AP3B2: variants seen among roughly 807,000 people sequenced by gnomAD.
AP3B2 encodes the protein adaptor related protein complex 3 subunit beta 2.
AP3B2 carries 50 observed loss-of-function variants against 126.9 expected under a neutral mutation model. The ratio of observed to expected loss-of-function variants is 0.39; its 90% confidence interval spans 0.31 to 0.50. The LOEUF is 0.50. AP3B2 is among the 20% of genes least tolerant of loss of function. The pLI is 0.79. For missense variants in AP3B2, 1,177 were observed against 1,426.4 expected, an observed-to-expected ratio of 0.83 and a Z score of 2.82; for synonymous variants, 541 against 565.0, an observed-to-expected ratio of 0.96 and a Z score of 0.60.
Position 82,679,791 on chromosome 15 carries a change from C to G in AP3B2, c.1120G>C (p.Glu374Gln), listed in dbSNP as rs748653652. The G allele has an allele frequency of 1.2e-6, 2 of 1,613,792 alleles. No individual in the cohort carries two copies. The highest frequency in any genetic ancestry group is 2.7e-5 in the African/African-American group (2 of 74,894). Residue 374 changes from glutamate to glutamine, a missense_variant, in exon 10 of 27, where the codon GAG becomes CAG. This residue lies in a region of AP3B2 where 308 missense variants were observed against 452.4 expected (regional missense o/e 0.68). Coordinates refer to ENST00000535359, the MANE Select transcript of AP3B2 (RefSeq NM_001278512.2). Reference sequence around the variant, plus strand: ...ATGTAGAAGCTCTTCAGGTAGGGCTCAAACATACCCTGGCACAAGAGAGGC... The same window carrying G: ...ATGTAGAAGCTCTTCAGGTAGGGCTGAAACATACCCTGGCACAAGAGAGGC... ...TMSIKRRGMFEPYLKSFYIRS... is the reference protein window; with the variant it reads ...TMSIKRRGMFQPYLKSFYIRS...
At chr15:82,706,144 G>T (rs933133337) in intron 1 of AP3B2, among the ~76,000 whole-genome samples, 1 of 152,072 alleles carries the variant, frequency 6.6e-6, no homozygotes, top group African/African-American at 2.4e-5. Flanking sequence ...ACTTTCAGAG[G>T]CCCTCAAAAT....
chr15:82,663,992 G>T lies in AP3B2; in HGVS notation c.2262-17C>A. The T allele has an allele frequency of 6.3e-7, 1 of 1,597,622 alleles. No homozygotes were observed. Among genetic ancestry groups the T allele is most frequent in the Non-Finnish European group, 8.5e-7 (1 of 1,177,818 alleles). ...CTCTGTTCACTGAAGGAGTGGGAAA[G>T]GTTGGCTCAGGCCTGGCCTGGACAC... On this transcript the variant is annotated splice_polypyrimidine_tract_variant and intron_variant, in intron 19 of 26. Coordinates refer to ENST00000535359, the MANE Select transcript of AP3B2 (RefSeq NM_001278512.2).
chr15:82,662,353 G>A, intron 23 of AP3B2, 101 bp from the exon 24 acceptor site: 2 of 925,082 alleles, frequency 2.2e-6, no homozygotes, highest in Non-Finnish European at 3.4e-6. Flanking sequence ...TGTCACAGCT[G>A]ACCAGCCCTC....
chr15:82,698,175 A>G (rs2048659589), intron 1 of AP3B2, among the ~76,000 whole-genome samples: 1 of 151,814 alleles, frequency 6.6e-6, no homozygotes, highest in Non-Finnish European at 1.5e-5. Flanking sequence ...CAGGTCCCGC[A>G]GACACTAGTA....
At position 82,688,403 on chromosome 15, in the gene AP3B2, G is replaced by A. The variant is rs552955534; in HGVS notation, c.360+333C>T. Reference sequence around the variant, plus strand: ...ACCACAATTCACACCTTTACACAAAGGGGGGTGAGGGTTGAGGGGTTCTCC... The same window carrying A: ...ACCACAATTCACACCTTTACACAAAAGGGGGTGAGGGTTGAGGGGTTCTCC... On this transcript the variant is annotated intron_variant, in intron 4 of 26. Coordinates refer to ENST00000535359, the MANE Select transcript of AP3B2 (RefSeq NM_001278512.2). The A allele has an allele frequency of 1.0e-5, 7 of 702,136 alleles. No homozygotes were observed. In the South Asian group the frequency reaches 1.0e-4, roughly 10 times the overall value. The allele number at this position is 702,136 out of a possible 1,614,324, so 43.5% of individuals were successfully genotyped here.
Position 82,688,819 on chromosome 15 carries a change from C to G in AP3B2, c.277G>C (p.Val93Leu). Residue 93 changes from valine (V) to leucine (L), a missense_variant, in exon 4 of 27, where the codon GTC becomes CTC. Coordinates refer to ENST00000535359, the MANE Select transcript of AP3B2 (RefSeq NM_001278512.2). ...GCGTAGCGTACCAGGTACACATAGA[C>G]AAGCTTCTTCACCTTGGGGAGAGCA... is the stretch of plus-strand genomic sequence containing the variant. ...ACKNIEVKKL[V>L]YVYLVRYAEE... 6.2e-7 allele frequency: 1 copy of G among 1,611,578 alleles called. No individual in the cohort carries two copies. Among genetic ancestry groups the G allele is most frequent in the Non-Finnish European group, 8.5e-7 (1 of 1,178,890 alleles).
rs2047895938 is a variant in AP3B2 at position 82,659,426 on chromosome 15, G to T, written c.*134C>A. The T allele has an allele frequency of 9.9e-6, 12 of 1,207,498 alleles. No individual in the cohort carries two copies. Among genetic ancestry groups the T allele is most frequent in the African/African-American group, 3.0e-5 (2 of 66,952 alleles). The allele number at this position is 1,207,498 out of a possible 1,614,324, so 74.8% of individuals were successfully genotyped here. A position where few individuals can be genotyped will look rare whatever the true frequency, so the allele number is the denominator to read the frequency against. ...TAGGGGAGGGCTTGGTCCTCCAGAG[G>T]GAGAGAGGACACCCTGAATGCTATC... On this transcript the variant is annotated 3_prime_UTR_variant, in exon 27 of 27. Transcript: ENST00000535359.
chr15:82,700,416 C>T (rs1439771730), intron 1 of AP3B2, among the ~76,000 whole-genome samples: 6 of 3,678 alleles, frequency 1.6e-3, no homozygotes, highest in African/African-American at 2.3e-3. Flanking sequence ...TTTTTTTTTT[C>T]AGATGGAGTT....
chr15:82,690,723 G>A (rs1308466872), intron 1 of AP3B2, among the ~76,000 whole-genome samples: 2 of 135,328 alleles, frequency 1.5e-5, no homozygotes, highest in East Asian at 2.2e-4. Context: ...GCGCAATCTC[G>A]GCTCACTGCA....
intron 1 of AP3B2, chr15:82,699,579 C>T: frequency 7.5e-6 from 3 of 399,512 alleles, no homozygotes; most frequent in Non-Finnish European, 8.8e-6. Context: ...TGCAACTGCC[C>T]ATCCCTGGCC....
chr15:82,663,047 C>G lies in AP3B2; in HGVS notation c.2604+80G>C. 1.6e-5 allele frequency: 24 copies of G among 1,493,656 alleles called. No homozygotes were observed. In the South Asian group the frequency reaches 2.5e-4, roughly 16 times the overall value. 92.5% of individuals were successfully genotyped at this position (1,493,656 alleles called of 1,614,324 possible). A position where few individuals can be genotyped will look rare whatever the true frequency, so the allele number is the denominator to read the frequency against. ...ATCACATCCTCCATCACACCCACCC[C>G]CCACACACATCCACACCATAGGATG... On this transcript the variant is annotated intron_variant, in intron 22 of 26. Coordinates refer to ENST00000535359, the MANE Select transcript of AP3B2 (RefSeq NM_001278512.2).
At chr15:82,699,763 G>T (rs1284434617) in intron 1 of AP3B2, 1 of 399,172 alleles carries the variant, frequency 2.5e-6, no homozygotes. Flanking sequence ...GTACCGGAGT[G>T]GGGGCCCACC....
Position 82,665,501 on chromosome 15 carries a change from C to T in AP3B2, c.1927G>A (p.Asp643Asn), listed in dbSNP as rs1308233067. The change falls in exon 16 of 27, where the codon GAC (aspartate) becomes AAC (asparagine). Residue 643 changes from aspartate (D) to asparagine (N), a missense_variant. Physicochemically the swap from Asp to Asn is conservative, Grantham distance 23 (BLOSUM62 1). Transcript: ENST00000535359. The surrounding 1 kb of genome is among the most constrained non-coding windows in gnomAD (Gnocchi z 4.4). ...GGGTCTGGGGCTTCCTCCGGCCAGT[C>T]TGGGAGCTCCTGGTAGCCTGTGGCC... is the stretch of plus-strand genomic sequence containing the variant. The part of the protein sequence containing the change: ...AKATGYQELP[D>N]WPEEAPDPSV... The T allele has an allele frequency of 1.9e-6, 3 of 1,613,740 alleles. No homozygotes were observed. Among genetic ancestry groups the T allele is most frequent in the Non-Finnish European group, 2.5e-6 (3 of 1,179,904 alleles).
At chr15:82,695,177 G>A (rs1262671065) in intron 1 of AP3B2, among the ~76,000 whole-genome samples, 1 of 148,478 alleles carries the variant, frequency 6.7e-6, no homozygotes. Flanking sequence ...TCGGCTCACT[G>A]CAGCCTCCAC....
intron 1 of AP3B2, chr15:82,692,254 T>C (rs962039367): frequency 1.1e-6 from 1 of 919,418 alleles, no homozygotes; most frequent in Non-Finnish European, 1.7e-6. Flanking sequence ...TTCTTAAGCT[T>C]GATCTTGCGG....
chr15:82,663,992 G>C lies in AP3B2; in HGVS notation c.2262-17C>G. The C allele has an allele frequency of 6.3e-7, 1 of 1,597,622 alleles. No homozygotes were observed. The highest frequency in any genetic ancestry group is 8.5e-7 in the Non-Finnish European group (1 of 1,177,818). On this transcript the variant is annotated splice_polypyrimidine_tract_variant and intron_variant, in intron 19 of 26. Coordinates refer to ENST00000535359, the MANE Select transcript of AP3B2 (RefSeq NM_001278512.2). ...CTCTGTTCACTGAAGGAGTGGGAAA[G>C]GTTGGCTCAGGCCTGGCCTGGACAC...
intron 1 of AP3B2, among the ~76,000 whole-genome samples, chr15:82,693,188 G>GC (rs2048571954): frequency 2.0e-4 from 15 of 76,408 alleles, no homozygotes; most frequent in African/African-American, 6.4e-4. Context: ...ATCTCCCCCC[G>GC]CCCCCACCCC....
rs2048336597 is a variant in AP3B2 at position 82,681,303 on chromosome 15, A to C, written c.521+117T>G. 6.5e-7 allele frequency: 1 copy of C among 1,533,172 alleles called. No individual in the cohort carries two copies. Among genetic ancestry groups the C allele is most frequent in the South Asian group, 1.2e-5 (1 of 81,820 alleles). 95.0% of individuals were successfully genotyped at this position (1,533,172 alleles called of 1,614,324 possible). A position where few individuals can be genotyped will look rare whatever the true frequency, so the allele number is the denominator to read the frequency against. On this transcript the variant is annotated intron_variant, in intron 5 of 26. Transcript: ENST00000535359. The surrounding 1 kb of genome is among the most constrained non-coding windows in gnomAD (Gnocchi z 4.0). Reference sequence around the variant, plus strand: ...TCTCCTCCATCTCTGTCAGTCCCCCAAACTACCCTCCTCAAACCCTCTGAG... The same window carrying C: ...TCTCCTCCATCTCTGTCAGTCCCCCCAACTACCCTCCTCAAACCCTCTGAG...
Position 82,680,209 on chromosome 15 carries a change from A to C in AP3B2, c.1076T>G (p.Leu359Arg). 6.2e-7 allele frequency: 1 copy of C among 1,613,536 alleles called. No homozygotes were observed. Among genetic ancestry groups the C allele is most frequent in the Non-Finnish European group, 8.5e-7 (1 of 1,179,776 alleles). ...GATGGACATGGTGGCCACGTTCTGGAGCACAACGTACTGCACCTCACTGCG... is the reference window on the plus strand; with the variant it reads ...GATGGACATGGTGGCCACGTTCTGGCGCACAACGTACTGCACCTCACTGCG... ...RSHSEVQYVV[L>R]QNVATMSIKR... Residue 359 changes from leucine (L) to arginine (R), a missense_variant, in exon 9 of 27, where the codon CTC becomes CGC. Around this residue, in one of 5 missense-constraint regions of AP3B2, gnomAD observed 308 missense variants for 452.4 expected, o/e 0.68. Coordinates refer to ENST00000535359, the MANE Select transcript of AP3B2 (RefSeq NM_001278512.2). This position sits in a 1 kb window ranked among gnomAD's most constrained non-coding sequence, Gnocchi z 6.1.
Sources: allele counts gnomAD v4.1 joint callset (sites outside exome capture counted in the v4.1 genomes callset), GRCh38; gene constraint gnomAD v4.1.1; regional missense constraint gnomAD v4.1.1; non-coding constraint Gnocchi (gnomAD v3.1); transcripts MANE v1.5; gene names NCBI Gene and HGNC (gene_info 2026-07-23, HGNC 2026-07-21).